Variants in MIGA2 observed in about 807,000 individuals in gnomAD.
MIGA2 encodes the protein mitoguardin 2.
MIGA2 carries 36 observed loss-of-function variants against 69.9 expected under a neutral mutation model. That is an observed-to-expected ratio of 0.52 (90% CI 0.39 to 0.68). The LOEUF (loss-of-function observed/expected upper bound fraction) is 0.68, where lower values mean the gene tolerates loss of function less well. Among genes scored for constraint, MIGA2 ranks in the 30% least tolerant of loss-of-function variants. The probability of loss-of-function intolerance (pLI) is 0.00; values close to 1 mark genes in which losing one functional copy is unlikely to be tolerated. For missense variants in MIGA2, 660 were observed against 787.7 expected (o/e 0.84, Z 1.94); for synonymous variants, 333 against 349.2 (o/e 0.95, Z 0.52).
Position 129,070,544 on chromosome 9 carries a change from C to A in MIGA2, c.*91C>A. Reference sequence around the variant, plus strand: ...CAGCTGTGGTGGCTGAGGGCCGTTGCCCCTGACTTTGCCCCACCCCCATCA... The same window carrying A: ...CAGCTGTGGTGGCTGAGGGCCGTTGACCCTGACTTTGCCCCACCCCCATCA... On this transcript the variant is annotated 3_prime_UTR_variant, in exon 16 of 16. Transcript: ENST00000684074. The A allele has an allele frequency of 7.3e-7, 1 of 1,377,052 alleles. No individual in the cohort carries two copies. Among genetic ancestry groups the A allele is most frequent in the Non-Finnish European group, 9.6e-7 (1 of 1,042,936 alleles). 85.3% of individuals were successfully genotyped at this position (1,377,052 alleles called of 1,614,324 possible). A position where few individuals can be genotyped will look rare whatever the true frequency, so the allele number is the denominator to read the frequency against.
intron 15 of MIGA2, 52 bp downstream of exon 15, chr9:129,070,017 C>A (rs371237736): frequency 1.4e-6 from 2 of 1,444,782 alleles, no homozygotes; most frequent in Non-Finnish European, 1.9e-6. Context: ...TGAGCACAGG[C>A]GCCCTGGGAG....
Position 129,069,071 on chromosome 9 carries a change from T to G in MIGA2, c.1405-5T>G, listed in dbSNP as rs982495252. 3.7e-6 allele frequency: 6 copies of G among 1,613,774 alleles called. No individual in the cohort carries two copies. Among genetic ancestry groups the G allele is most frequent in the Non-Finnish European group, 5.1e-6 (6 of 1,179,932 alleles). On this transcript the variant is annotated splice_region_variant and splice_polypyrimidine_tract_variant and intron_variant, in intron 13 of 15. Coordinates refer to ENST00000684074, the MANE Select transcript of MIGA2 (RefSeq NM_001329990.2). The surrounding 1 kb of genome is among the most constrained non-coding windows in gnomAD (Gnocchi z 4.9). Reference sequence around the variant, plus strand: ...CACCCGGGGGACATCCTATTTTTGATGTAGGCCTTGGCCACTGCTTGCTGG... The same window carrying G: ...CACCCGGGGGACATCCTATTTTTGAGGTAGGCCTTGGCCACTGCTTGCTGG...
intron 6 of MIGA2, among the ~76,000 whole-genome samples, chr9:129,056,770 C>G (rs909447229): frequency 6.6e-6 from 1 of 151,924 alleles, no homozygotes; most frequent in Admixed American, 6.6e-5. Flanking sequence ...CTGCCCGCCT[C>G]GCCCCCCAAA....
rs756009105 is a variant in MIGA2, at chr9:129,042,473, T to G, written c.266T>G (p.Leu89Arg). 6 of 1,599,840 alleles carry G rather than the reference T, an allele frequency of 3.8e-6. No homozygotes were observed. The highest frequency in any genetic ancestry group is 3.4e-6 in the Non-Finnish European group (4 of 1,173,984). The change falls in exon 3 of 16, where the codon CTC becomes CGC. Residue 89 changes from leucine to arginine, a missense_variant. By Grantham distance (102) the Leu-to-Arg change is moderately radical. Coordinates refer to ENST00000684074, the MANE Select transcript of MIGA2 (RefSeq NM_001329990.2). ...GGGGAGCAGCTGGGCACGGTGCCCC[T>G]CCCTATCCTCTTGGCCAGGAAGGTC... Reference protein sequence around the residue: ...MGGEQLGTVPLPILLARKVPS... With the variant: ...MGGEQLGTVPRPILLARKVPS...
chr9:129,045,091 C>T (rs935476306), intron 3 of MIGA2, among the ~76,000 whole-genome samples: 3 of 147,802 alleles, frequency 2.0e-5, no homozygotes, highest in African/African-American at 7.5e-5. Flanking sequence ...GTGGAGCTTG[C>T]AGTGAGCCGA....
chr9:129,067,199 G>C (rs1846405472), intron 11 of MIGA2, among the ~76,000 whole-genome samples: 2 of 151,184 alleles, frequency 1.3e-5, no homozygotes, highest in Admixed American at 1.3e-4. Flanking sequence ...CTAACACTTA[G>C]TGTTTTTCTA....
Position 129,068,402 on chromosome 9 carries a change from CCT to C in MIGA2, c.1404+73_1404+74del, listed in dbSNP as rs747655361. The C allele has an allele frequency of 1.9e-6, 3 of 1,582,018 alleles. No individual in the cohort carries two copies. Among genetic ancestry groups the C allele is most frequent in the Admixed American group, 1.7e-5 (1 of 58,300 alleles). On this transcript the variant is annotated intron_variant, in intron 13 of 15. Coordinates refer to ENST00000684074, the MANE Select transcript of MIGA2 (RefSeq NM_001329990.2). This position sits in a 1 kb window ranked among gnomAD's most constrained non-coding sequence, Gnocchi z 4.1. ...CCCGTGTGGTTGCCTGGCTCCGTCC[CCT>C]CTGTCCCTAGCACTGGCACCAGGGC...
At chr9:129,046,427 C>T (rs773495156) in intron 3 of MIGA2, among the ~76,000 whole-genome samples, 1 of 150,998 alleles carries the variant, frequency 6.6e-6, no homozygotes, top group Non-Finnish European at 1.5e-5. Flanking sequence ...AGTTTGAGAC[C>T]AGCCTGGGTG....
intron 6 of MIGA2, among the ~76,000 whole-genome samples, chr9:129,052,092 C>T (rs1287735425): frequency 1.3e-5 from 2 of 152,024 alleles, no homozygotes; most frequent in Non-Finnish European, 2.9e-5. Context: ...TCCCAAAGTG[C>T]TGGGATTATA....
intron 6 of MIGA2, among the ~76,000 whole-genome samples, chr9:129,054,896 T>C (rs1845715581): frequency 6.6e-6 from 1 of 152,126 alleles, no homozygotes; most frequent in Admixed American, 6.6e-5. Context: ...TAATTCCATG[T>C]TTAACTTTTT....
chr9:129,060,689 G>T lies in MIGA2; in HGVS notation c.894+39G>T. ...GGGACCAAGCCTGGGGTGGGGTGAA[G>T]GCTGGGCCTCCTCTGCAGGTCCATG... On this transcript the variant is annotated intron_variant, in intron 8 of 15. Transcript: ENST00000684074. This position sits in a 1 kb window ranked among gnomAD's most constrained non-coding sequence, Gnocchi z 4.8. 1 of 1,514,312 alleles carries T rather than the reference G, an allele frequency of 6.6e-7. No homozygotes were observed. Among genetic ancestry groups the T allele is most frequent in the Non-Finnish European group, 9.0e-7 (1 of 1,114,378 alleles). 93.8% of individuals were successfully genotyped at this position (1,514,312 alleles called of 1,614,324 possible). A position where few individuals can be genotyped will look rare whatever the true frequency, so the allele number is the denominator to read the frequency against.
At position 129,061,972 on chromosome 9, in the gene MIGA2, A is replaced by G. The variant is rs935123605; in HGVS notation, c.1010+626A>G. ...CTATCTTATATTAACGTTATTATTA[A>G]CTTTTTTGTATTATTTTTATGTATT... On this transcript the variant is annotated intron_variant, in intron 9 of 15. Coordinates refer to ENST00000684074, the MANE Select transcript of MIGA2 (RefSeq NM_001329990.2). The surrounding 1 kb of genome is among the most constrained non-coding windows in gnomAD (Gnocchi z 5.0). Among the ~76,000 whole-genome samples the G allele has an allele frequency of 2.0e-5, 3 of 150,434 alleles. No homozygotes were observed. Among genetic ancestry groups the G allele is most frequent in the Admixed American group, 2.0e-4 (3 of 15,152 alleles).
intron 3 of MIGA2, among the ~76,000 whole-genome samples, chr9:129,046,869 C>T (rs573956254): frequency 6.6e-6 from 1 of 152,128 alleles, no homozygotes; most frequent in African/African-American, 2.4e-5. Flanking sequence ...ACGTCCACCT[C>T]CCAGGATCAA....
chr9:129,040,385 C>A, intron 1 of MIGA2, 67 bp from the exon 2 acceptor site: 1 of 1,205,572 alleles, frequency 8.3e-7, no homozygotes, highest in Non-Finnish European at 1.1e-6. Context: ...GGACGCTCTT[C>A]TTGAGTGCAT....
Position 129,068,353 on chromosome 9 carries a change from C to T in MIGA2, c.1404+21C>T. On this transcript the variant is annotated intron_variant, in intron 13 of 15. Coordinates refer to ENST00000684074, the MANE Select transcript of MIGA2 (RefSeq NM_001329990.2). This position sits in a 1 kb window ranked among gnomAD's most constrained non-coding sequence, Gnocchi z 4.1. The stretch of plus-strand genomic sequence containing the variant: ...AGACGGTGGGTCACTGCCCTGCTCT[C>T]AGACCCACACTTGCTCACATCAGCC... 6.3e-7 allele frequency: 1 copy of T among 1,598,988 alleles called. No homozygotes were observed. Among genetic ancestry groups the T allele is most frequent in the East Asian group, 2.2e-5 (1 of 44,832 alleles).
At chr9:129,058,402 CAA>C (rs566828123) in intron 6 of MIGA2, among the ~76,000 whole-genome samples, 613 of 58,282 alleles carry the variant, frequency 0.011, 6 homozygotes, top group African/African-American at 0.033. Flanking sequence ...GACCTTGTCT[CAA>C]AAAAAAAAAA....
At chr9:129,045,913 G>A (rs1845197385) in intron 3 of MIGA2, among the ~76,000 whole-genome samples, 1 of 151,440 alleles carries the variant, frequency 6.6e-6, no homozygotes, top group Non-Finnish European at 1.5e-5. Flanking sequence ...GAGTGCAGTG[G>A]TGCCATCTTG....
At chr9:129,053,936 G>A (rs936331446) in intron 6 of MIGA2, among the ~76,000 whole-genome samples, 98 of 152,174 alleles carry the variant, frequency 6.4e-4, no homozygotes, top group African/African-American at 2.1e-3. Context: ...CCAGCTACTC[G>A]GGAGGCTGAG....
In MIGA2 at chr9:129,061,367, G is replaced by A. The variant is rs377537395; in HGVS notation, c.1010+21G>A. 3.9e-6 allele frequency: 6 copies of A among 1,540,052 alleles called. No homozygotes were observed. The highest frequency in any genetic ancestry group is 2.3e-5 in the South Asian group (2 of 87,352). On this transcript the variant is annotated intron_variant, in intron 9 of 15. Coordinates refer to ENST00000684074, the MANE Select transcript of MIGA2 (RefSeq NM_001329990.2). This position sits in a 1 kb window ranked among gnomAD's most constrained non-coding sequence, Gnocchi z 5.0. ...CTCAGGTGAGCAGGTGTGGAGGGAG[G>A]GAGGGAGGGAGCAGGAGGCGATGGG...
Sources: gnomAD v4.1 joint callset for allele counts (sites outside exome capture counted in the v4.1 genomes callset) on GRCh38, gnomAD v4.1.1 for gene constraint, Gnocchi (gnomAD v3.1) non-coding constraint, MANE v1.5 for transcripts, NCBI Gene and HGNC (gene_info 2026-07-23, HGNC 2026-07-21) for gene names.